Variants in DNAH3 observed in about 807,000 individuals in gnomAD.
DNAH3 encodes axonemal beta dynein heavy chain 3.
DNAH3 carries 332 observed loss-of-function variants against 432.5 expected under a neutral mutation model. The observed-to-expected ratio is 0.77, with a 90% confidence interval of 0.70 to 0.84. DNAH3 has a LOEUF of 0.84. Ranked by LOEUF, DNAH3 falls within the 40% of genes least tolerant of loss-of-function variation. DNAH3 has a pLI of 0.00. For synonymous variants in DNAH3, 1,956 were observed against 1,900.2 expected (o/e 1.03, Z -0.76); for missense variants, 4,861 against 5,114.0 (o/e 0.95, Z 1.51).
intron 10 of DNAH3, 127 bp downstream of exon 11, chr16:21,121,818 A>C (rs2092348954): frequency 2.9e-6 from 2 of 681,464 alleles, no homozygotes; most frequent in Admixed American, 3.1e-5. Context: ...TATATTCAGG[A>C]TATATCTCCA....
Position 20,963,747 on chromosome 16 carries a change from G to T in DNAH3, c.10137C>A (p.Ile3379=). Residue 3379 remains isoleucine, a synonymous_variant, in exon 53 of 62, where the codon ATC becomes ATA. Transcript: ENST00000261383. ...TTTCCTTCTTCTGTTTCATGATGCC[G>T]ATGGTCAGGAGGAGAGAGAAGAGTA... 6.2e-7 allele frequency: 1 copy of T among 1,613,904 alleles called. No homozygotes were observed.
intron 27 of DNAH3, among the ~76,000 whole-genome samples, chr16:21,057,833 A>G (rs531268079): frequency 6.6e-6 from 1 of 152,182 alleles, no homozygotes; most frequent in Admixed American, 6.5e-5. Flanking sequence ...AGCCAAGGGT[A>G]TAAGACTTAG....
chr16:21,103,721 T>C (rs1192534176), intron 16 of DNAH3, among the ~76,000 whole-genome samples: 1 of 152,192 alleles, frequency 6.6e-6, no homozygotes, highest in Non-Finnish European at 1.5e-5. Flanking sequence ...GCAGGAACTA[T>C]GGCAGCTCAA....
At chr16:20,985,222 A>C (rs1212785692) in exon 48 of DNAH3, 1 of 1,614,032 alleles carries the variant, frequency 6.2e-7, no homozygotes, top group Non-Finnish European at 8.5e-7. Flanking sequence ...GTTCAGAAGC[A>C]TGTTGATGTC....
intron 14 of DNAH3, among the ~76,000 whole-genome samples, chr16:21,107,923 T>A (rs557055574): frequency 6.6e-6 from 1 of 151,834 alleles, no homozygotes; most frequent in East Asian, 1.9e-4. Context: ...TGCACAGTGG[T>A]GTGATCTCAG....
At chr16:20,933,635 G>A (rs1481049813) in intron 61 of DNAH3, 128 bp from the exon 62 acceptor site, 1 of 696,790 alleles carries the variant, frequency 1.4e-6, no homozygotes. Flanking sequence ...CAGGATCCAG[G>A]GACAATGGGG....
chr16:20,969,632 G>A (rs1376508819), intron 52 of DNAH3, among the ~76,000 whole-genome samples, 160 bp downstream of exon 52: 1 of 152,092 alleles, frequency 6.6e-6, no homozygotes, highest in East Asian at 1.9e-4. Context: ...CCTGAGAGAG[G>A]CCTTGGGTGC....
chr16:21,095,228 G>A (rs1461402364), intron 18 of DNAH3, among the ~76,000 whole-genome samples: 1 of 152,116 alleles, frequency 6.6e-6, no homozygotes, highest in Non-Finnish European at 1.5e-5. Flanking sequence ...TTACCCTAGA[G>A]AAATAAAAAC....
At chr16:21,024,184 A>G (rs1351816525) in intron 39 of DNAH3, among the ~76,000 whole-genome samples, 1 of 152,196 alleles carries the variant, frequency 6.6e-6, no homozygotes, top group Admixed American at 6.5e-5. Flanking sequence ...TGGGAGGTGC[A>G]GAGTCCAGGT....
chr16:21,003,310 G>A (rs1567620466), intron 41 of DNAH3, 103 bp from the exon 42 acceptor site: 1 of 704,886 alleles, frequency 1.4e-6, no homozygotes, highest in Non-Finnish European at 2.4e-6. Flanking sequence ...ATGAAAATGT[G>A]TAACTACCAG....
chr16:21,072,484 A>G (rs1187697197), intron 21 of DNAH3, among the ~76,000 whole-genome samples: 1 of 151,808 alleles, frequency 6.6e-6, no homozygotes, highest in Non-Finnish European at 1.5e-5. Context: ...GCACCACCAC[A>G]CCGGGCTAAT....
chr16:20,935,995 G>A (rs112499415), intron 60 of DNAH3, among the ~76,000 whole-genome samples: 3 of 152,282 alleles, frequency 2.0e-5, no homozygotes, highest in African/African-American at 7.2e-5. Context: ...GAGAACGCAG[G>A]TGCATTGTTT....
At chr16:21,111,728 A>G in exon 14 of DNAH3, 1 of 1,614,090 alleles carries the variant, frequency 6.2e-7, no homozygotes. Context: ...CGTAGCATCA[A>G]GGCAGAACAT....
intron 54 of DNAH3, among the ~76,000 whole-genome samples, chr16:20,955,932 TATTTTC>T (rs2084543863): frequency 6.6e-6 from 1 of 152,200 alleles, no homozygotes; most frequent in South Asian, 2.1e-4. Flanking sequence ...ATTTTATTTT[TATTTTC>T]ATTTTTTTGA....
At position 21,097,351 on chromosome 16, in the gene DNAH3, A is replaced by G. The variant is rs573754162; in HGVS notation, c.2665+4T>C. The stretch of plus-strand genomic sequence containing the variant: ...TGTCCCAGCAGAGTGAGATCACCAC[A>G]TACCATTCATCCATTCCTCTGACTT... On this transcript the variant is annotated splice_donor_region_variant and intron_variant, in intron 18 of 61. Coordinates refer to ENST00000261383, the Ensembl canonical transcript of DNAH3. 4 of 1,613,456 alleles carry G rather than the reference A, an allele frequency of 2.5e-6. No individual in the cohort carries two copies. Among genetic ancestry groups the G allele is most frequent in the East Asian group, 4.5e-5 (2 of 44,862 alleles).
At chr16:20,970,094 C>CT in intron 51 of DNAH3, 104 bp from the exon 52 acceptor site, 2 of 1,088,228 alleles carry the variant, frequency 1.8e-6, no homozygotes, top group Non-Finnish European at 2.8e-6. Context: ...GAGGTGCTTC[C>CT]TCTTCCAGAT....
At chr16:21,134,773 G>A (rs546264499) in intron 6 of DNAH3, among the ~76,000 whole-genome samples, 23 of 151,988 alleles carry the variant, frequency 1.5e-4, no homozygotes, top group Non-Finnish European at 2.6e-4. Flanking sequence ...CTCCACCTCC[G>A]CCTCCTAGGT....
At chr16:20,965,579 T>C (rs1010754184) in intron 52 of DNAH3, among the ~76,000 whole-genome samples, 154 bp from the exon 53 acceptor site, 2 of 152,178 alleles carry the variant, frequency 1.3e-5, no homozygotes, top group Non-Finnish European at 2.9e-5. Flanking sequence ...TCTGCCTTGC[T>C]CCCTAAACTT....
At chr16:20,985,051 A>C in intron 48 of DNAH3, 1 of 1,595,942 alleles carries the variant, frequency 6.3e-7, no homozygotes, top group Non-Finnish European at 8.5e-7. Context: ...CTTCTTACCG[A>C]GGACAATGTG....
Sources: gnomAD v4.1 joint callset for allele counts (sites outside exome capture counted in the v4.1 genomes callset) on GRCh38, gnomAD v4.1.1 for gene constraint, MANE v1.5 for transcripts, NCBI Gene and HGNC (gene_info 2026-07-23, HGNC 2026-07-21) for gene names.